SHCBP1L: variants seen among roughly 807,000 people sequenced by gnomAD.
The protein encoded by SHCBP1L is SHC binding and spindle associated 1 like.
Under a neutral mutation model 62.5 loss-of-function variants are expected in SHCBP1L, and 67 were observed. The ratio of observed to expected loss-of-function variants is 1.07; its 90% CI spans 0.88 to 1.31. SHCBP1L has a LOEUF of 1.31. Ranked by LOEUF, SHCBP1L falls within the 40% of genes most tolerant of loss-of-function variation. The pLI, the probability that SHCBP1L is intolerant of heterozygous loss-of-function variation, is 0.00. For synonymous variants in SHCBP1L, 284 were observed against 289.4 expected, an observed-to-expected ratio of 0.98 and a Z score of 0.19; for missense variants, 823 against 809.8, an observed-to-expected ratio of 1.02 and a Z score of -0.20.
chr1:182,906,984 A>C (rs919584408), intron 6 of SHCBP1L, among the ~76,000 whole-genome samples: 2 of 151,606 alleles, frequency 1.3e-5, no homozygotes, highest in African/African-American at 2.4e-5. Flanking sequence ...TGCCTGGGTA[A>C]TTTTTGTATT....
At chr1:182,906,070 G>C (rs1040066959) in intron 6 of SHCBP1L, among the ~76,000 whole-genome samples, 6 of 152,070 alleles carry the variant, frequency 3.9e-5, no homozygotes, top group African/African-American at 1.4e-4. Context: ...GAGTAGCTGG[G>C]ATTACAGGTG....
At position 182,903,050 on chromosome 1, in the gene SHCBP1L, C is replaced by A; in HGVS notation, c.1699G>T (p.Val567Phe). 1 of 1,583,884 alleles carries A rather than the reference C, an allele frequency of 6.3e-7. No homozygotes were observed. The highest frequency in any genetic ancestry group is 1.4e-5 in the African/African-American group (1 of 73,970). The change falls in exon 9 of 10, where the codon GTT becomes TTT. Residue 567 changes from valine (V) to phenylalanine (F), a missense_variant. Transcript: ENST00000367547. ...AAATAAGAGAATACCTTCATATTAA[C>A]TCCACCTAAGGTGCTTTTTGAACTG... ...SNSSKSTLGGVNMKVLPAPKL... is the reference protein window; with the variant it reads ...SNSSKSTLGGFNMKVLPAPKL...
At chr1:182,924,757 AAAGAAAGAAAGAAAG>A (rs2101936517) in intron 6 of SHCBP1L, among the ~76,000 whole-genome samples, 1 of 109,280 alleles carries the variant, frequency 9.2e-6, no homozygotes, top group South Asian at 3.4e-4. Flanking sequence ...AGAAAGAAAG[AAAGAAAGAAAGAAAG>A]AAAGAAAGAA....
chr1:182,920,395 G>A (rs145554347), intron 6 of SHCBP1L, among the ~76,000 whole-genome samples: 1 of 152,106 alleles, frequency 6.6e-6, no homozygotes, highest in East Asian at 1.9e-4. Context: ...ACCCTCACAC[G>A]CATCAAAGAA....
intron 5 of SHCBP1L, among the ~76,000 whole-genome samples, chr1:182,934,650 A>G (rs925213633): frequency 6.6e-6 from 1 of 152,094 alleles, no homozygotes; most frequent in Admixed American, 6.5e-5. Flanking sequence ...TTCTCTTAAT[A>G]GTGTATTTTT....
At chr1:182,951,530 GTTTTT>G in intron 1 of SHCBP1L, 63 bp from the exon 2 acceptor site, 3 of 831,114 alleles carry the variant, frequency 3.6e-6, no homozygotes, top group Non-Finnish European at 4.9e-6. Context: ...AAACTAAGTG[GTTTTT>G]TTTTTTTTTA....
rs115838916 is a variant in SHCBP1L at position 182,906,808 on chromosome 1, A to G, written c.1183-1159T>C. ...GATAAATTTGTTATTAGTGTCGTAA[A>G]GACTGGAGGGCTTTATTTATTTATT... On this transcript the variant is annotated intron_variant, in intron 6 of 9. Coordinates refer to ENST00000367547, the MANE Select transcript of SHCBP1L (RefSeq NM_030933.4). 5.1e-3 allele frequency among the ~76,000 whole-genome samples: 770 copies of G among 152,058 alleles called. 11 individuals are homozygous for G. Among genetic ancestry groups the G allele is most frequent in the African/African-American group, 0.018 (728 of 41,510 alleles).
intron 1 of SHCBP1L, among the ~76,000 whole-genome samples, chr1:182,952,261 T>C (rs1336345929): frequency 5.1e-5 from 6 of 118,574 alleles, no homozygotes; most frequent in South Asian, 2.9e-4. Flanking sequence ...CACACACACA[T>C]TTATATATAT....
chr1:182,932,257 A>G (rs1190131723), intron 5 of SHCBP1L, among the ~76,000 whole-genome samples: 7 of 152,050 alleles, frequency 4.6e-5, no homozygotes, highest in Non-Finnish European at 8.8e-5. Context: ...GCTATAAACA[A>G]CCATGTGCAG....
At chr1:182,924,735 A>G (rs1194666138) in intron 6 of SHCBP1L, among the ~76,000 whole-genome samples, 4 of 93,972 alleles carry the variant, frequency 4.3e-5, no homozygotes, top group African/African-American at 2.4e-4. Flanking sequence ...AAAGAAAGAA[A>G]GAAAGAAAGA....
In SHCBP1L at chr1:182,904,374, C is replaced by A. The variant is rs556523444; in HGVS notation, c.1393G>T (p.Val465Leu). 1.2e-6 allele frequency: 2 copies of A among 1,614,178 alleles called. No homozygotes were observed. Among genetic ancestry groups the A allele is most frequent in the South Asian group, 1.1e-5 (1 of 91,090 alleles). ...TTCACATTGTCAGCTTTGGACACCA[C>A]AAAACTGTCACGAGAAGGTTCAGAA... ...ITSEPSRDSF[V>L]VSKADNVKLM... The change falls in exon 8 of 10, where the codon GTG becomes TTG. Residue 465 changes from valine to leucine, a missense_variant. Coordinates refer to ENST00000367547, the MANE Select transcript of SHCBP1L (RefSeq NM_030933.4).
intron 9 of SHCBP1L, among the ~76,000 whole-genome samples, chr1:182,900,754 AG>A (rs1416338426): frequency 1.3e-5 from 2 of 152,164 alleles, no homozygotes; most frequent in African/African-American, 2.4e-5. Context: ...TAAATGAGCC[AG>A]GTGCGGTGGC....
In SHCBP1L at chr1:182,951,431, A is replaced by G. The variant is rs770475914; in HGVS notation, c.442T>C (p.Ser148Pro). 1.2e-6 allele frequency: 2 copies of G among 1,609,134 alleles called. No homozygotes were observed. The highest frequency in any genetic ancestry group is 2.2e-5 in the East Asian group (1 of 44,686). ...DADEVMGKYL[S>P]EKLKLKDKWL... ...TTGTCTTTCAACTTTAATTTTTCTGATAGGTATTTACCCATAACTTCATCA... is the reference window on the plus strand; with the variant it reads ...TTGTCTTTCAACTTTAATTTTTCTGGTAGGTATTTACCCATAACTTCATCA... The change falls in exon 2 of 10, where the codon TCA becomes CCA. Residue 148 changes from serine to proline, a missense_variant. Physicochemically the swap from Ser to Pro is moderately conservative, Grantham distance 74. Coordinates refer to ENST00000367547, the MANE Select transcript of SHCBP1L (RefSeq NM_030933.4).
At chr1:182,940,271 C>A in intron 3 of SHCBP1L, 58 bp downstream of exon 3, 1 of 1,433,192 alleles carries the variant, frequency 7.0e-7, no homozygotes, top group Non-Finnish European at 9.6e-7. Flanking sequence ...TGAACAAAAC[C>A]TTCACATTAA....
Position 182,940,452 on chromosome 1 carries a change from G to A in SHCBP1L, c.647C>T (p.Pro216Leu), listed in dbSNP as rs1651321624. 6.2e-7 allele frequency: 1 copy of A among 1,613,778 alleles called. No individual in the cohort carries two copies. The highest frequency in any genetic ancestry group is 2.2e-5 in the East Asian group (1 of 44,820). ...EPFSSNIANI[P>L]RDLVDEILEE... ...CAAAATCTCATCAACCAAATCTCTT[G>A]GAATATTTGCAATGTTGGAAGAAAA... Residue 216 changes from proline (P) to leucine (L), a missense_variant, in exon 3 of 10, where the codon CCA becomes CTA. By Grantham distance (98) the Pro-to-Leu change is moderately conservative (BLOSUM62 -3). Transcript: ENST00000367547.
In SHCBP1L at chr1:182,951,297, GA is replaced by G. The variant is rs766114974; in HGVS notation, c.555+20del. ...AAAGAACTGATTCAAAAAGAACAAA[GA>G]TCAAATAAAATTTATTTACCTCAAC... On this transcript the variant is annotated intron_variant, in intron 2 of 9. Transcript: ENST00000367547. 9 of 1,498,776 alleles carry G rather than the reference GA, an allele frequency of 6.0e-6. No homozygotes were observed. The highest frequency in any genetic ancestry group is 2.7e-6 in the Non-Finnish European group (3 of 1,118,238). The allele number at this position is 1,498,776 out of a possible 1,614,324, so 92.8% of individuals were successfully genotyped here.
chr1:182,913,276 G>C lies in SHCBP1L; in HGVS notation c.1183-7627C>G, dbSNP rs533393155. Among the ~76,000 whole-genome samples the C allele has an allele frequency of 5.1e-4, 77 of 152,318 alleles. 1 individual carries two copies. In the South Asian group the frequency reaches 0.015, roughly 30 times the overall value. ...AAGTCAGTCAGTCAGAAGTTCTGGA[G>C]GCCTAGACTTGTGACTGGTGTCTGA... On this transcript the variant is annotated intron_variant, in intron 6 of 9. Transcript: ENST00000367547.
intron 6 of SHCBP1L, among the ~76,000 whole-genome samples, chr1:182,917,489 C>A (rs1312194030): frequency 6.6e-6 from 1 of 152,164 alleles, no homozygotes; most frequent in African/African-American, 2.4e-5. Context: ...AGTGATCCAC[C>A]CATCTCGGCC....
In SHCBP1L at chr1:182,952,734, A is replaced by G. The variant is rs779432578; in HGVS notation, c.400T>C (p.Cys134Arg). 8.1e-6 allele frequency: 13 copies of G among 1,605,194 alleles called. No individual in the cohort carries two copies. The highest frequency in any genetic ancestry group is 1.1e-5 in the Non-Finnish European group (13 of 1,176,424). ...SLYCDEVLQD[C>R]KAEDADEVMG... ...CCTGTCCCGGATCCGCTCACCTTACAGTCCTGCAGCACTTCGTCGCAATAC... is the reference window on the plus strand; with the variant it reads ...CCTGTCCCGGATCCGCTCACCTTACGGTCCTGCAGCACTTCGTCGCAATAC... Residue 134 changes from cysteine to arginine, a missense_variant, in exon 1 of 10, where the codon TGT becomes CGT. Transcript: ENST00000367547.
Sources: gnomAD v4.1 joint callset for allele counts (sites outside exome capture counted in the v4.1 genomes callset) on GRCh38, gnomAD v4.1.1 for gene constraint, MANE v1.5 for transcripts, NCBI Gene and HGNC (gene_info 2026-07-23, HGNC 2026-07-21) for gene names.